PPP3CA: variants seen among roughly 807,000 people sequenced by gnomAD.
PPP3CA encodes CAM-PRP catalytic subunit.
Under a neutral mutation model 66.5 loss-of-function variants are expected in PPP3CA, and 14 were observed. The observed-to-expected ratio is 0.21, with a 90% CI of 0.14 to 0.33. PPP3CA has a LOEUF of 0.33. PPP3CA is among the 10% of genes least tolerant of loss of function. PPP3CA has a pLI of 1.00. For missense variants in PPP3CA, 317 were observed against 639.5 expected, an observed-to-expected ratio of 0.50 and a Z score of 5.44; for synonymous variants, 232 against 226.2, an observed-to-expected ratio of 1.03 and a Z score of -0.23.
Position 101,285,166 on chromosome 4 carries a change from G to A in PPP3CA, c.58+61573C>T, listed in dbSNP as rs571975766. On this transcript the variant is annotated intron_variant, in intron 1 of 13. Coordinates refer to ENST00000394854, the MANE Select transcript of PPP3CA (RefSeq NM_000944.5). ...AAATCTGTAACGTCCACACAGCACC[G>A]AGATTTTACAGGTTTCTTTCAGGTA... Among the ~76,000 whole-genome samples the A allele has an allele frequency of 1.1e-3, 162 of 151,994 alleles. 1 individual carries two copies. The highest frequency in any genetic ancestry group is 1.8e-3 in the Non-Finnish European group (122 of 67,968).
At chr4:101,344,992 A>G (rs1398235602) in intron 1 of PPP3CA, among the ~76,000 whole-genome samples, 2 of 152,206 alleles carry the variant, frequency 1.3e-5, no homozygotes, top group East Asian at 3.8e-4. Context: ...GAAAATGTCA[A>G]CAGAAGCCTT....
chr4:101,095,723 C>T (rs939488746), intron 5 of PPP3CA, among the ~76,000 whole-genome samples: 7 of 152,160 alleles, frequency 4.6e-5, no homozygotes, highest in Non-Finnish European at 8.8e-5. Flanking sequence ...ACGATCTCGG[C>T]TCACAGCAAC....
intron 1 of PPP3CA, among the ~76,000 whole-genome samples, chr4:101,228,390 A>G (rs1322479047): frequency 6.6e-6 from 1 of 151,620 alleles, no homozygotes; most frequent in Non-Finnish European, 1.5e-5. Flanking sequence ...TCCATAGCAT[A>G]TAAATTTTTA....
chr4:101,217,261 T>C (rs924770968), intron 1 of PPP3CA, among the ~76,000 whole-genome samples: 5 of 152,120 alleles, frequency 3.3e-5, no homozygotes, highest in African/African-American at 1.2e-4. Context: ...TTGTTCCTGT[T>C]TGACAGATTA....
chr4:101,346,704 A>ACGGTGCACCCAGGCCGCGCG, intron 1 of PPP3CA, 35 bp downstream of exon 1: 1 of 1,586,668 alleles, frequency 6.3e-7, no homozygotes, highest in South Asian at 1.1e-5. Flanking sequence ...CCTGCGGCAC[A>ACGGTGCACCCAGGCCGCGCG]CGGTGCACCC....
At chr4:101,197,790 T>C (rs1192354826) in intron 1 of PPP3CA, among the ~76,000 whole-genome samples, 1 of 152,102 alleles carries the variant, frequency 6.6e-6, no homozygotes, top group Non-Finnish European at 1.5e-5. Flanking sequence ...AACCTGAGGC[T>C]CAAAAATATT....
intron 8 of PPP3CA, among the ~76,000 whole-genome samples, chr4:101,067,358 G>A (rs554572953): frequency 5.3e-5 from 8 of 151,964 alleles, no homozygotes; most frequent in Non-Finnish European, 7.4e-5. Context: ...TGGGGAAGGC[G>A]GACTGAACCT....
chr4:101,319,684 G>A (rs1728982141), intron 1 of PPP3CA, among the ~76,000 whole-genome samples: 1 of 152,052 alleles, frequency 6.6e-6, no homozygotes, highest in African/African-American at 2.4e-5. Context: ...ATTGAGGTAA[G>A]AATTTATTCA....
intron 1 of PPP3CA, among the ~76,000 whole-genome samples, chr4:101,293,877 T>C (rs1028300421): frequency 6.6e-6 from 1 of 152,180 alleles, no homozygotes; most frequent in Non-Finnish European, 1.5e-5. Flanking sequence ...TCTATCTCTC[T>C]TTTGCTCCAT....
intron 1 of PPP3CA, among the ~76,000 whole-genome samples, chr4:101,307,538 T>C (rs941731128): frequency 6.6e-6 from 1 of 152,238 alleles, no homozygotes; most frequent in African/African-American, 2.4e-5. Flanking sequence ...AAAAAAGTTT[T>C]TGCTTAACAA....
chr4:101,285,906 A>ACAG (rs1727832988), intron 1 of PPP3CA, among the ~76,000 whole-genome samples: 1 of 152,164 alleles, frequency 6.6e-6, no homozygotes, highest in African/African-American at 2.4e-5. Flanking sequence ...AAAGGCAAAA[A>ACAG]CAGCATAAAC....
intron 1 of PPP3CA, among the ~76,000 whole-genome samples, chr4:101,320,107 T>C (rs553028520): frequency 2.2e-4 from 33 of 152,194 alleles, no homozygotes; most frequent in African/African-American, 7.9e-4. Context: ...TCAGGTAATA[T>C]TATTCTATCT....
chr4:101,226,146 G>A (rs367921506), intron 1 of PPP3CA, among the ~76,000 whole-genome samples: 107 of 151,756 alleles, frequency 7.1e-4, no homozygotes, highest in East Asian at 4.5e-3. Context: ...ACAGATCTGT[G>A]CTGAAACACC....
chr4:101,079,632 T>C (rs1232163158), intron 8 of PPP3CA, among the ~76,000 whole-genome samples: 2 of 152,142 alleles, frequency 1.3e-5, no homozygotes, highest in African/African-American at 4.8e-5. Context: ...CCATTTCTCT[T>C]AATCTCAGAA....
At chr4:101,202,440 C>T (rs1506803) in intron 1 of PPP3CA, among the ~76,000 whole-genome samples, 31,131 of 151,716 alleles carry the variant, frequency 0.21, 4,433 homozygotes, top group African/African-American at 0.38. Context: ...TTATATTCTC[C>T]TAGATTAAAA....
chr4:101,256,173 G>C (rs148052398), intron 1 of PPP3CA, among the ~76,000 whole-genome samples: 1 of 151,808 alleles, frequency 6.6e-6, no homozygotes, highest in East Asian at 1.9e-4. Context: ...ATTCTTAATA[G>C]AGATTTGCTA....
At chr4:101,190,718 GT>G (rs35453019) in intron 2 of PPP3CA, among the ~76,000 whole-genome samples, 107 of 151,980 alleles carry the variant, frequency 7.0e-4, no homozygotes, top group African/African-American at 2.5e-3. Context: ...AACTACGAAT[GT>G]TTTTTTCTGG....
chr4:101,122,131 G>A (rs554019956), intron 2 of PPP3CA, among the ~76,000 whole-genome samples: 1 of 152,252 alleles, frequency 6.6e-6, no homozygotes, highest in South Asian at 2.1e-4. Flanking sequence ...TAGCAGGTAT[G>A]ACAAATATGA....
At chr4:101,029,998 C>T (rs1560569303) in intron 12 of PPP3CA, among the ~76,000 whole-genome samples, 1 of 151,936 alleles carries the variant, frequency 6.6e-6, no homozygotes, top group African/African-American at 2.4e-5. Flanking sequence ...ATAATTCTAT[C>T]AGCATTTTAA....
Sources: gnomAD v4.1 joint callset for allele counts (sites outside exome capture counted in the v4.1 genomes callset) on GRCh38, gnomAD v4.1.1 for gene constraint, MANE v1.5 for transcripts, NCBI Gene and HGNC (gene_info 2026-07-23, HGNC 2026-07-21) for gene names.